The following RTN1 variants were observed in gnomAD, a reference collection of about 807,000 sequenced individuals.
RTN1 encodes the protein reticulon-1.
RTN1 carries 25 observed loss-of-function variants against 65.5 expected under a neutral mutation model. The ratio of observed to expected loss-of-function variants is 0.38; its 90% CI spans 0.28 to 0.53. The LOEUF is 0.53. Among genes scored for constraint, RTN1 ranks in the 20% least tolerant of loss-of-function variants. RTN1 has a pLI of 0.79. For synonymous variants in RTN1, 471 were observed against 447.6 expected, an observed-to-expected ratio of 1.05 and a Z score of -0.66; for missense variants, 983 against 1,025.4, an observed-to-expected ratio of 0.96 and a Z score of 0.57.
At position 59,605,552 on chromosome 14, in the gene RTN1, T is replaced by C. The variant is rs762876394; in HGVS notation, c.1974-46A>G. The stretch of plus-strand genomic sequence containing the variant: ...CAGAAAATTCCGTCAGAGGGAATCA[T>C]GAGACAGGCTGCCGAACCCCAGTAA... On this transcript the variant is annotated intron_variant, in intron 4 of 8. Coordinates refer to ENST00000267484, the MANE Select transcript of RTN1 (RefSeq NM_021136.3). 2.5e-6 allele frequency: 4 copies of C among 1,605,256 alleles called. No individual in the cohort carries two copies. The Admixed American group carries it at 5.0e-5, about 20-fold the overall frequency.
intron 3 of RTN1, among the ~76,000 whole-genome samples, chr14:59,704,452 G>C (rs1182872797): frequency 6.6e-6 from 1 of 152,152 alleles, no homozygotes; most frequent in Admixed American, 6.5e-5. Context: ...TCAGGGGAAG[G>C]GGAAACAGAA....
intron 3 of RTN1, among the ~76,000 whole-genome samples, chr14:59,648,664 T>G (rs1386217004): frequency 1.3e-5 from 2 of 152,218 alleles, no homozygotes; most frequent in African/African-American, 4.8e-5. Context: ...ATTCATCACA[T>G]AAACAGAACT....
chr14:59,605,078 T>G (rs763116650), intron 5 of RTN1: 1 of 229,804 alleles, frequency 4.4e-6, no homozygotes, highest in Non-Finnish European at 8.4e-6. Context: ...AAGGAGACAA[T>G]CTGGTGTGTT....
intron 1 of RTN1, among the ~76,000 whole-genome samples, chr14:59,812,230 A>G (rs1886742545): frequency 6.6e-6 from 1 of 152,158 alleles, no homozygotes. Flanking sequence ...AAGCAAAATT[A>G]CCATTAAAAT....
intron 1 of RTN1, among the ~76,000 whole-genome samples, chr14:59,847,165 A>C (rs748631724): frequency 2.0e-5 from 3 of 152,156 alleles, no homozygotes; most frequent in African/African-American, 4.8e-5. Context: ...GATCATGTAC[A>C]TACTTCTATC....
chr14:59,607,584 G>A (rs113474546), intron 3 of RTN1, 92 bp from the exon 4 acceptor site: 1 of 1,097,296 alleles, frequency 9.1e-7, no homozygotes, highest in Non-Finnish European at 1.4e-6. Context: ...GGTTGCTGTG[G>A]GTTCTCACCT....
intron 3 of RTN1, among the ~76,000 whole-genome samples, chr14:59,689,969 C>A (rs754528624): frequency 6.7e-5 from 9 of 134,518 alleles, no homozygotes; most frequent in African/African-American, 1.3e-4. Context: ...CAATATTAAT[C>A]TTGAATGTAA....
intron 2 of RTN1, among the ~76,000 whole-genome samples, chr14:59,735,858 C>G (rs796548087): frequency 1.3e-5 from 2 of 152,076 alleles, no homozygotes; most frequent in Admixed American, 1.3e-4. Context: ...GACCACAGCA[C>G]AATCAAATTA....
In RTN1 at chr14:59,668,847, T is replaced by C. The variant is rs372592930; in HGVS notation, c.1765+58072A>G. ...GACATCTATGCAGCCAGTAGACACATGAAAAAATGCTCATCGTCACTGGTG... is the reference window on the plus strand; with the variant it reads ...GACATCTATGCAGCCAGTAGACACACGAAAAAATGCTCATCGTCACTGGTG... On this transcript the variant is annotated intron_variant, in intron 3 of 8. Coordinates refer to ENST00000267484, the MANE Select transcript of RTN1 (RefSeq NM_021136.3). Among the ~76,000 whole-genome samples, 6 of 152,114 alleles carry C rather than the reference T, an allele frequency of 3.9e-5. No individual in the cohort carries two copies. In the East Asian group the frequency reaches 9.6e-4, roughly 24 times the overall value.
intron 3 of RTN1, among the ~76,000 whole-genome samples, chr14:59,685,158 G>C (rs953369196): frequency 1.3e-5 from 2 of 151,918 alleles, no homozygotes; most frequent in African/African-American, 4.8e-5. Flanking sequence ...CAACAATTAG[G>C]AATGTACCTC....
Position 59,831,523 on chromosome 14 carries a change from C to A in RTN1, c.241+38867G>T, listed in dbSNP as rs144300754. Among the ~76,000 whole-genome samples the A allele has an allele frequency of 2.9e-3, 438 of 152,276 alleles. 2 individuals are homozygous for A. Among genetic ancestry groups the A allele is most frequent in the African/African-American group, 0.01 (417 of 41,552 alleles). ...CTTCAGGTTTTGCCGACTCATCCTG[C>A]AGATCTTGGGACTTGTCAGCCTCCA... On this transcript the variant is annotated intron_variant, in intron 1 of 8. Coordinates refer to ENST00000267484, the MANE Select transcript of RTN1 (RefSeq NM_021136.3).
intron 2 of RTN1, among the ~76,000 whole-genome samples, chr14:59,731,478 T>C (rs998173668): frequency 3.9e-5 from 6 of 152,198 alleles, no homozygotes; most frequent in African/African-American, 1.2e-4. Context: ...AAATGAATTG[T>C]ATAGTATATG....
chr14:59,605,715 T>G (rs1377447776), intron 4 of RTN1: 3 of 480,494 alleles, frequency 6.2e-6, no homozygotes, highest in African/African-American at 2.0e-5. Context: ...TGGTTCTCAG[T>G]GGAGCATTGT....
intron 3 of RTN1, among the ~76,000 whole-genome samples, chr14:59,716,804 A>C (rs997063671): frequency 1.8e-4 from 24 of 133,640 alleles, no homozygotes; most frequent in African/African-American, 6.3e-4. Flanking sequence ...AAAAAAATAC[A>C]AAAAAAAAAA....
chr14:59,733,971 A>G (rs1009928239), intron 2 of RTN1, among the ~76,000 whole-genome samples: 3 of 152,072 alleles, frequency 2.0e-5, no homozygotes, highest in Non-Finnish European at 4.4e-5. Flanking sequence ...CACCACCTAC[A>G]GGCACATTTG....
At chr14:59,714,232 TAAAAAAA>T (rs66785056) in intron 3 of RTN1, among the ~76,000 whole-genome samples, 3 of 128,008 alleles carry the variant, frequency 2.3e-5, no homozygotes, top group East Asian at 4.8e-4. Flanking sequence ...AGACTCCGTC[TAAAAAAA>T]AAAAAAAAAA....
intron 1 of RTN1, among the ~76,000 whole-genome samples, chr14:59,850,570 G>A (rs937638859): frequency 6.6e-6 from 1 of 152,196 alleles, no homozygotes. Flanking sequence ...GTATAATAAA[G>A]AGAGCATGAG....
intron 1 of RTN1, among the ~76,000 whole-genome samples, chr14:59,815,320 C>A (rs943045683): frequency 5.9e-5 from 9 of 152,098 alleles, no homozygotes; most frequent in Admixed American, 2.6e-4. Flanking sequence ...ATCTGAGGAC[C>A]CACAGCACAC....
intron 1 of RTN1, among the ~76,000 whole-genome samples, chr14:59,767,560 T>C (rs901792403): frequency 6.6e-6 from 1 of 152,146 alleles, no homozygotes; most frequent in Admixed American, 6.5e-5. Flanking sequence ...CAATACAGCA[T>C]GCAAATAAAA....
Sources: allele counts gnomAD v4.1 joint callset (sites outside exome capture counted in the v4.1 genomes callset), GRCh38; gene constraint gnomAD v4.1.1; transcripts MANE v1.5; gene names NCBI Gene and HGNC (gene_info 2026-07-23, HGNC 2026-07-21).